Variants in ELP2 observed in about 807,000 individuals in gnomAD.
ELP2 encodes elongator acetyltransferase complex subunit 2.
Under a neutral mutation model 119.2 loss-of-function variants are expected in ELP2, and 90 were observed. The ratio of observed to expected loss-of-function variants is 0.75; its 90% CI spans 0.64 to 0.90. The LOEUF (loss-of-function observed/expected upper bound fraction) is 0.90. Among genes scored for constraint, ELP2 ranks in the 40% least tolerant of loss-of-function variants. The pLI is 0.00. For synonymous variants in ELP2, 339 were observed against 331.0 expected, an observed-to-expected ratio of 1.02 and a Z score of -0.26; for missense variants, 921 against 967.8, an observed-to-expected ratio of 0.95 and a Z score of 0.64.
intron 19 of ELP2, 136 bp downstream of exon 19, chr18:36,167,358 G>A (rs576427110): frequency 2.8e-5 from 17 of 597,532 alleles, no homozygotes; most frequent in East Asian, 1.7e-4. Flanking sequence ...TCTGTTTTTC[G>A]TATATGTACA....
intron 5 of ELP2, 52 bp downstream of exon 5, chr18:36,138,924 CAT>C (rs1567978850): frequency 7.5e-7 from 1 of 1,333,726 alleles, no homozygotes; most frequent in African/African-American, 1.4e-5. Context: ...TGCATACTGT[CAT>C]ATGATTAGAA....
At position 36,162,747 on chromosome 18, in the gene ELP2, C is replaced by T. The variant is rs1250902547; in HGVS notation, c.1762-1728C>T. Among the ~76,000 whole-genome samples, 6 of 152,100 alleles carry T rather than the reference C, an allele frequency of 3.9e-5. No homozygotes were observed. In the South Asian group the frequency reaches 6.2e-4, roughly 16 times the overall value. On this transcript the variant is annotated intron_variant, in intron 17 of 21. Transcript: ENST00000358232. ...TAGTATCAGTCTTTTTAACTTTAAC[C>T]GTTCTAGTAAGTGTGTAGCAGCTCA...
intron 21 of ELP2, 100 bp downstream of exon 21, chr18:36,171,260 C>G: frequency 1.3e-6 from 1 of 786,532 alleles, no homozygotes; most frequent in Non-Finnish European, 2.2e-6. Flanking sequence ...GGACATATAT[C>G]TGTATTCGTC....
chr18:36,167,882 T>C (rs569963767), intron 19 of ELP2, among the ~76,000 whole-genome samples: 1 of 151,588 alleles, frequency 6.6e-6, no homozygotes, highest in East Asian at 2.0e-4. Flanking sequence ...CTTGCCATGT[T>C]GCCAGGCTGG....
chr18:36,163,390 T>C (rs1234246086), intron 17 of ELP2, among the ~76,000 whole-genome samples: 1 of 152,034 alleles, frequency 6.6e-6, no homozygotes, highest in East Asian at 1.9e-4. Context: ...CATGTGCTTA[T>C]GTAGATATTT....
Position 36,146,021 on chromosome 18 carries a change from T to A in ELP2, c.966T>A (p.Asp322Glu). 1 of 1,614,074 alleles carries A rather than the reference T, an allele frequency of 6.2e-7. No individual in the cohort carries two copies. Among genetic ancestry groups the A allele is most frequent in the East Asian group, 2.2e-5 (1 of 44,872 alleles). The change falls in exon 10 of 22, where the codon GAT becomes GAA. Residue 322 changes from aspartate to glutamate, a missense_variant. By Grantham distance (45) the Asp-to-Glu change is conservative. Coordinates refer to ENST00000358232, the MANE Select transcript of ELP2 (RefSeq NM_018255.4). ...AAACCATGATTCTCTGGGCTCCAGA[T>A]GAAGAGTCAGGAGTTTGGCTAGAAC... Reference protein sequence around the residue: ...MDKTMILWAPDEESGVWLEQV... With the variant: ...MDKTMILWAPEEESGVWLEQV...
At chr18:36,142,478 A>G in intron 7 of ELP2, 131 bp downstream of exon 7, 1 of 768,522 alleles carries the variant, frequency 1.3e-6, no homozygotes, top group Non-Finnish European at 2.3e-6. Flanking sequence ...CCAATTAGAA[A>G]GGAGGATGCT....
rs1029671315 is a variant in ELP2, at chr18:36,170,182, C to T, written c.2196C>T (p.Leu732=). 3.1e-6 allele frequency: 5 copies of T among 1,614,148 alleles called. No individual in the cohort carries two copies. The highest frequency in any genetic ancestry group is 4.5e-5 in the East Asian group (2 of 44,876). The part of the protein sequence containing the change: ...AVTAVSVCPV[L]HPSQRYVVAV... ...CAGCTGTCAGCGTCTGCCCAGTGCTCCACCCTTCTCAACGGTCAGTCTCTG... is the reference window on the plus strand; with the variant it reads ...CAGCTGTCAGCGTCTGCCCAGTGCTTCACCCTTCTCAACGGTCAGTCTCTG... The change falls in exon 20 of 22, where the codon CTC becomes CTT. Residue 732 remains leucine, a synonymous_variant. Coordinates refer to ENST00000358232, the MANE Select transcript of ELP2 (RefSeq NM_018255.4).
Position 36,174,895 on chromosome 18 carries a change from G to A in ELP2, c.*254G>A, listed in dbSNP as rs967725679. The stretch of plus-strand genomic sequence containing the variant: ...TTTTTAGTAGAGACTGGGTTTCACC[G>A]TTGGCCAGGCGGGTCTCAAACTCCT... On this transcript the variant is annotated 3_prime_UTR_variant, in exon 22 of 22. Transcript: ENST00000358232. 21 of 404,372 alleles carry A rather than the reference G, an allele frequency of 5.2e-5. No individual in the cohort carries two copies. The highest frequency in any genetic ancestry group is 1.0e-4 in the East Asian group (2 of 19,794). The allele number at this position is 404,372 out of a possible 1,614,324, so 25.0% of individuals were successfully genotyped here.
intron 8 of ELP2, among the ~76,000 whole-genome samples, chr18:36,143,319 A>G (rs2090096342): frequency 6.6e-6 from 1 of 151,354 alleles, no homozygotes; most frequent in African/African-American, 2.4e-5. Context: ...ATGGGGTTTC[A>G]CCATGTTAGC....
chr18:36,153,905 C>T (rs961677352), intron 11 of ELP2, among the ~76,000 whole-genome samples: 1 of 151,806 alleles, frequency 6.6e-6, no homozygotes, highest in Non-Finnish European at 1.5e-5. Context: ...CAGTCAAGGA[C>T]GATTTTTTAA....
At chr18:36,160,821 G>A in intron 16 of ELP2, 111 bp from the exon 17 acceptor site, 1 of 728,314 alleles carries the variant, frequency 1.4e-6, no homozygotes, top group Non-Finnish European at 2.4e-6. Context: ...TTCCTTAAAA[G>A]AATTGTATAT....
rs764683447 is a variant in ELP2 at position 36,159,782 on chromosome 18, A to G, written c.1582A>G (p.Thr528Ala). The change falls in exon 15 of 22, where the codon ACT becomes GCT. Residue 528 changes from threonine (T) to alanine (A), a missense_variant. Transcript: ENST00000358232. ...TGATGAAGAGGAGCTGTTAACTAGTACTGGTTTTGAGTATCAGCAGGTGGC... is the reference window on the plus strand; with the variant it reads ...TGATGAAGAGGAGCTGTTAACTAGTGCTGGTTTTGAGTATCAGCAGGTGGC... ...PSDEEELLTSTGFEYQQVAFQ... is the reference protein window; with the variant it reads ...PSDEEELLTSAGFEYQQVAFQ... The G allele has an allele frequency of 2.5e-6, 4 of 1,613,984 alleles. No individual in the cohort carries two copies. The East Asian group carries it at 6.7e-5, about 27-fold the overall frequency.
Position 36,168,506 on chromosome 18 carries a change from C to G in ELP2, c.2076+1284C>G, listed in dbSNP as rs115146763. Among the ~76,000 whole-genome samples the G allele has an allele frequency of 6.5e-3, 997 of 152,308 alleles. 17 individuals are homozygous for G. The highest frequency in any genetic ancestry group is 0.023 in the African/African-American group (943 of 41,560). On this transcript the variant is annotated intron_variant, in intron 19 of 21. Coordinates refer to ENST00000358232, the MANE Select transcript of ELP2 (RefSeq NM_018255.4). ...CAGAAGGTGAAACAAACACATCCTTCTTCACGTGGTGGCAGGAGAAAGAAG... is the reference window on the plus strand; with the variant it reads ...CAGAAGGTGAAACAAACACATCCTTGTTCACGTGGTGGCAGGAGAAAGAAG...
At chr18:36,158,695 C>G (rs561375513) in intron 13 of ELP2, 140 bp from the exon 14 acceptor site, 2 of 627,848 alleles carry the variant, frequency 3.2e-6, no homozygotes, top group Admixed American at 2.7e-5. Flanking sequence ...GACATCCACA[C>G]AAGATGGTCT....
At position 36,160,348 on chromosome 18, in the gene ELP2, G is replaced by T. The variant is rs553517804; in HGVS notation, c.1688+333G>T. On this transcript the variant is annotated intron_variant, in intron 16 of 21. Transcript: ENST00000358232. ...ATAGCACTTTGGGAGGCCGTAGCAG[G>T]AGGATCACTTGAGGCCAGGAGTTTG... is the stretch of plus-strand genomic sequence containing the variant. 1.7e-3 allele frequency among the ~76,000 whole-genome samples: 265 copies of T among 152,210 alleles called. 1 individual carries two copies. The highest frequency in any genetic ancestry group is 6.2e-3 in the African/African-American group (256 of 41,536).
Position 36,179,757 on chromosome 18 carries a change from C to A in ELP2, c.*5116C>A, listed in dbSNP as rs548573010. ...CCCACTCTCACTTCTGCCCCTGCTA[C>A]CCTTAGTCTTTGGCTTTTGCTGACA... On this transcript the variant is annotated 3_prime_UTR_variant, in exon 22 of 22. Transcript: ENST00000358232. 6.6e-6 allele frequency: 1 copy of A among 152,298 alleles called. No individual in the cohort carries two copies. Among genetic ancestry groups the A allele is most frequent in the African/African-American group, 2.4e-5 (1 of 41,438 alleles). The allele number at this position is 152,298 out of a possible 1,614,324, so 9.4% of individuals were successfully genotyped here.
rs370897517 is a variant in ELP2, at chr18:36,171,089, A to G, written c.2253A>G (p.Leu751=). The change falls in exon 21 of 22, where the codon TTA becomes TTG. Residue 751 remains leucine, a synonymous_variant. Coordinates refer to ENST00000358232, the MANE Select transcript of ELP2 (RefSeq NM_018255.4). ...GATTGGAGTGTGGAAAGATTTGCTT[A>G]TATACCTGGAAAAAGACTGATCAAG... ...AVGLECGKIC[L]YTWKKTDQVP... 1.9e-6 allele frequency: 3 copies of G among 1,614,156 alleles called. No homozygotes were observed. Among genetic ancestry groups the G allele is most frequent in the East Asian group, 2.2e-5 (1 of 44,882 alleles).
chr18:36,154,222 C>G (rs1203406706), intron 11 of ELP2, among the ~76,000 whole-genome samples: 1 of 152,116 alleles, frequency 6.6e-6, no homozygotes, highest in African/African-American at 2.4e-5. Flanking sequence ...AAAAGGTGCT[C>G]TGTGGACCAG....
Sources: gnomAD v4.1 joint callset for allele counts (sites outside exome capture counted in the v4.1 genomes callset) on GRCh38, gnomAD v4.1.1 for gene constraint, MANE v1.5 for transcripts, NCBI Gene and HGNC (gene_info 2026-07-23, HGNC 2026-07-21) for gene names.